Variants in KCNN3 observed in about 807,000 individuals in gnomAD.
The protein encoded by KCNN3 is small conductance calcium-activated potassium channel protein 3.
KCNN3 carries 16 observed loss-of-function variants against 62.9 expected under a neutral mutation model. The ratio of observed to expected loss-of-function variants is 0.25; its 90% CI spans 0.17 to 0.39. KCNN3 has a LOEUF of 0.39. KCNN3 is among the 10% of genes least tolerant of loss of function. The probability of loss-of-function intolerance (pLI) is 1.00; values close to 1 mark genes in which losing one functional copy is unlikely to be tolerated. For synonymous variants in KCNN3, 370 were observed against 389.2 expected, an observed-to-expected ratio of 0.95 and a Z score of 0.58; for missense variants, 599 against 949.4, an observed-to-expected ratio of 0.63 and a Z score of 4.85.
chr1:154,820,157 G>C (rs1379357927), intron 2 of KCNN3, among the ~76,000 whole-genome samples: 1 of 152,214 alleles, frequency 6.6e-6, no homozygotes, highest in East Asian at 1.9e-4. Flanking sequence ...GTTCTGGGCT[G>C]TCAGCAACAT....
At chr1:154,810,352 C>A (rs1239163598) in intron 2 of KCNN3, among the ~76,000 whole-genome samples, 1 of 152,126 alleles carries the variant, frequency 6.6e-6, no homozygotes, top group Non-Finnish European at 1.5e-5. Flanking sequence ...ACTGTGACTC[C>A]AGGCGAGCAG....
chr1:154,779,494 T>G (rs1367738661), intron 2 of KCNN3, among the ~76,000 whole-genome samples: 1 of 152,088 alleles, frequency 6.6e-6, no homozygotes, highest in Non-Finnish European at 1.5e-5. Flanking sequence ...CATTCCCCCA[T>G]CCCCACTCTC....
intron 6 of KCNN3, among the ~76,000 whole-genome samples, 156 bp downstream of exon 6, chr1:154,714,720 T>C (rs1041005265): frequency 2.0e-5 from 3 of 151,508 alleles, no homozygotes; most frequent in South Asian, 4.2e-4. Context: ...ATTCCTGGCA[T>C]GTGGCTGGTG....
intron 1 of KCNN3, chr1:154,859,801 A>G: frequency 6.2e-7 from 1 of 1,613,724 alleles, no homozygotes. Flanking sequence ...AGTAGGTGCC[A>G]GCTCAGTCCC....
chr1:154,722,027 C>T (rs1365991385), intron 5 of KCNN3, among the ~76,000 whole-genome samples: 1 of 151,848 alleles, frequency 6.6e-6, no homozygotes, highest in East Asian at 1.9e-4. Context: ...TCAAGAAAAG[C>T]AGAAATTGAG....
intron 1 of KCNN3, chr1:154,868,185 G>A: frequency 1.0e-6 from 1 of 985,524 alleles, no homozygotes; most frequent in South Asian, 4.7e-5. Flanking sequence ...GGGAAGCCCT[G>A]TCATCCCGTC....
chr1:154,854,062 C>T (rs1041804003), intron 1 of KCNN3, among the ~76,000 whole-genome samples: 3 of 151,786 alleles, frequency 2.0e-5, no homozygotes, highest in East Asian at 1.9e-4. Context: ...GGTGAAACCC[C>T]GTCTCTACTA....
At chr1:154,771,004 CAG>C (rs1318488319) in intron 3 of KCNN3, among the ~76,000 whole-genome samples, 1 of 151,816 alleles carries the variant, frequency 6.6e-6, no homozygotes, top group African/African-American at 2.4e-5. Context: ...TTGCAGTGAG[CAG>C]AGACTATGCC....
intron 5 of KCNN3, among the ~76,000 whole-genome samples, chr1:154,721,430 G>A (rs1700344919): frequency 1.3e-5 from 2 of 151,700 alleles, no homozygotes; most frequent in Non-Finnish European, 2.9e-5. Context: ...CTCCCGAGAA[G>A]CTGGGATTAC....
At chr1:154,855,305 G>A (rs1652477137) in intron 1 of KCNN3, among the ~76,000 whole-genome samples, 1 of 152,136 alleles carries the variant, frequency 6.6e-6, no homozygotes, top group Non-Finnish European at 1.5e-5. Context: ...TTAAATAAAT[G>A]TAGTTAGCCT....
intron 4 of KCNN3, among the ~76,000 whole-genome samples, chr1:154,727,478 A>G (rs1405568044): frequency 3.3e-5 from 5 of 152,184 alleles, no homozygotes; most frequent in Non-Finnish European, 5.9e-5. Flanking sequence ...CAGGCTGACA[A>G]AGGCTAGCCT....
rs1241246348 is a variant in KCNN3 at position 154,702,702 on chromosome 1, TATATATATATATATATATATATATATA to T, written c.*5247_*5273del. 5 of 2,086 alleles carry T rather than the reference TATATATATATATATATATATATATATA, an allele frequency of 2.4e-3. No individual in the cohort carries two copies. Among genetic ancestry groups the T allele is most frequent in the African/African-American group, 5.8e-3 (5 of 856 alleles). The allele number at this position is 2,086 out of a possible 1,614,324, so 0.1% of individuals were successfully genotyped here. On this transcript the variant is annotated 3_prime_UTR_variant, in exon 8 of 8. Coordinates refer to ENST00000271915, the MANE Select transcript of KCNN3 (RefSeq NM_002249.6). ...GTTGGCTGCTTCGATCTGATTCAGA[TATATATATATATATATATATATATATA>T]TATATATATATATATATATGTACTT...
intron 7 of KCNN3, among the ~76,000 whole-genome samples, chr1:154,712,669 A>G (rs748894161): frequency 2.6e-5 from 4 of 152,102 alleles, no homozygotes; most frequent in Admixed American, 1.3e-4. Context: ...TGGGCTGTAC[A>G]CTTAATATAC....
chr1:154,825,271 C>A (rs879527134), intron 1 of KCNN3, among the ~76,000 whole-genome samples: 9 of 152,160 alleles, frequency 5.9e-5, no homozygotes, highest in Non-Finnish European at 1.0e-4. Flanking sequence ...ACTGGTCAAC[C>A]CTTCTGCCCC....
At chr1:154,838,959 T>C (rs12128882) in intron 1 of KCNN3, among the ~76,000 whole-genome samples, 33,706 of 152,038 alleles carry the variant, frequency 0.22, 3,969 homozygotes, top group African/African-American at 0.3. Flanking sequence ...CTACTTTACC[T>C]ACAGAAGGGC....
At chr1:154,728,836 G>A (rs1239763717) in intron 4 of KCNN3, among the ~76,000 whole-genome samples, 1 of 152,108 alleles carries the variant, frequency 6.6e-6, no homozygotes, top group Non-Finnish European at 1.5e-5. Context: ...GAGAGAGGAA[G>A]GAAGAACAAG....
chr1:154,822,870 T>G (rs1479725198), intron 1 of KCNN3, among the ~76,000 whole-genome samples: 3 of 152,194 alleles, frequency 2.0e-5, no homozygotes, highest in Admixed American at 6.5e-5. Context: ...CTGCAGCCTT[T>G]CAGTCCCAGG....
chr1:154,762,313 G>A (rs902872618), intron 3 of KCNN3, among the ~76,000 whole-genome samples: 3 of 152,158 alleles, frequency 2.0e-5, no homozygotes, highest in African/African-American at 7.2e-5. Context: ...ACAATAAGAA[G>A]ATTCTCCAGC....
At chr1:154,857,781 GA>G (rs1558010036) in intron 1 of KCNN3, among the ~76,000 whole-genome samples, 1 of 152,174 alleles carries the variant, frequency 6.6e-6, no homozygotes, top group African/African-American at 2.4e-5. Flanking sequence ...TTGTTGTGAG[GA>G]CTTAATGAGA....
Sources: allele counts gnomAD v4.1 joint callset (sites outside exome capture counted in the v4.1 genomes callset), GRCh38; gene constraint gnomAD v4.1.1; transcripts MANE v1.5; gene names NCBI Gene and HGNC (gene_info 2026-07-23, HGNC 2026-07-21).